The following PLEKHD1 variants were observed in gnomAD, a reference collection of about 807,000 sequenced individuals.
PLEKHD1 encodes pleckstrin homology domain-containing family D member 1.
Under a neutral mutation model 69.2 loss-of-function variants are expected in PLEKHD1, and 51 were observed. The observed-to-expected ratio is 0.74, with a 90% CI of 0.59 to 0.93. PLEKHD1 has a LOEUF of 0.93. PLEKHD1 is among the 40% of genes least tolerant of loss of function. The pLI, the probability that PLEKHD1 is intolerant of heterozygous loss-of-function variation, is 0.00. For missense variants in PLEKHD1, 584 were observed against 641.0 expected, an observed-to-expected ratio of 0.91 and a Z score of 0.96; for synonymous variants, 236 against 244.7, an observed-to-expected ratio of 0.96 and a Z score of 0.33.
chr14:69,481,306 G>T (rs1882537505), upstream of PLEKHD1, among the ~76,000 whole-genome samples: 1 of 152,184 alleles, frequency 6.6e-6, no homozygotes, highest in African/African-American at 2.4e-5. Flanking sequence ...CTGGGTCAGA[G>T]TGATACCCTG....
chr14:69,506,891 CTTTTTTTTTTTTT>C (rs1162412450), intron 6 of PLEKHD1, among the ~76,000 whole-genome samples: 5 of 78,062 alleles, frequency 6.4e-5, no homozygotes, highest in African/African-American at 2.3e-4. Context: ...CTGGCAACTG[CTTTTTTTTTTTTT>C]TTTTTTTTTT....
chr14:69,528,522 C>T lies in PLEKHD1; in HGVS notation c.*103C>T. On this transcript the variant is annotated 3_prime_UTR_variant, in exon 13 of 13. Transcript: ENST00000322564. ...TCTACCAGCTCCTGGCCTCTCTGGT[C>T]TGGAGCCTATGTCTCCTCTGGGCCG... 1 of 1,402,024 alleles carries T rather than the reference C, an allele frequency of 7.1e-7. No homozygotes were observed. The highest frequency in any genetic ancestry group is 9.5e-7 in the Non-Finnish European group (1 of 1,055,280). The allele number at this position is 1,402,024 out of a possible 1,614,324, so 86.8% of individuals were successfully genotyped here. A position where few individuals can be genotyped will look rare whatever the true frequency, so the allele number is the denominator to read the frequency against.
At chr14:69,520,722 G>A (rs1287040158) in intron 6 of PLEKHD1, among the ~76,000 whole-genome samples, 1 of 152,030 alleles carries the variant, frequency 6.6e-6, no homozygotes, top group East Asian at 1.9e-4. Flanking sequence ...GTAAGACTCA[G>A]TCTCAAAAGA....
In PLEKHD1 at chr14:69,524,085, G is replaced by A. The variant is rs1182466478; in HGVS notation, c.651-144G>A. 6.5e-6 allele frequency: 4 copies of A among 618,450 alleles called. No homozygotes were observed. In the Admixed American group the frequency reaches 1.1e-4, roughly 17 times the overall value. The allele number at this position is 618,450 out of a possible 1,614,324, so 38.3% of individuals were successfully genotyped here. A position where few individuals can be genotyped will look rare whatever the true frequency, so the allele number is the denominator to read the frequency against. ...CCAGGCCCCTACTGCTGCTGTCAGGGCCCAGCTGTGCAGAGGGGCTGGCCA... is the reference window on the plus strand; with the variant it reads ...CCAGGCCCCTACTGCTGCTGTCAGGACCCAGCTGTGCAGAGGGGCTGGCCA... On this transcript the variant is annotated intron_variant, in intron 7 of 12. Transcript: ENST00000322564.
chr14:69,502,896 G>A lies in PLEKHD1; in HGVS notation c.555+17G>A. On this transcript the variant is annotated intron_variant, in intron 6 of 12. Transcript: ENST00000322564. The stretch of plus-strand genomic sequence containing the variant: ...CAGAGAGAGGTAGGTGCACACCAAG[G>A]GGCTCTCAGCAGCCGTGGTGTAATG... 1.3e-6 allele frequency: 2 copies of A among 1,551,580 alleles called. No homozygotes were observed. Among genetic ancestry groups the A allele is most frequent in the Non-Finnish European group, 8.7e-7 (1 of 1,146,918 alleles).
chr14:69,478,279 C>T, the PLEKHD1 span, among the ~76,000 whole-genome samples: 350 of 152,296 alleles, frequency 2.3e-3, 1 homozygote, highest in African/African-American at 7.9e-3. Context: ...ACCCTGGGAC[C>T]GGCCCATGAA....
chr14:69,505,193 C>T (rs1453991294), intron 6 of PLEKHD1, among the ~76,000 whole-genome samples: 1 of 152,176 alleles, frequency 6.6e-6, no homozygotes, highest in Non-Finnish European at 1.5e-5. Flanking sequence ...CCAGCTGGTA[C>T]CCACCATGAA....
In PLEKHD1 at chr14:69,524,124, C is replaced by T. The variant is rs1262659007; in HGVS notation, c.651-105C>T. ...AGGGGCTGGCCATTCAAGAGCCCTC[C>T]TGAGCCCCATCAGGAAGTGAAGCAA... On this transcript the variant is annotated intron_variant, in intron 7 of 12. Coordinates refer to ENST00000322564, the MANE Select transcript of PLEKHD1 (RefSeq NM_001161498.2). 4 of 923,590 alleles carry T rather than the reference C, an allele frequency of 4.3e-6. No individual in the cohort carries two copies. In the Admixed American group the frequency reaches 8.5e-5, roughly 20 times the overall value. The allele number at this position is 923,590 out of a possible 1,614,324, so 57.2% of individuals were successfully genotyped here.
At chr14:69,520,984 G>A (rs550240036) in intron 6 of PLEKHD1, among the ~76,000 whole-genome samples, 4 of 152,236 alleles carry the variant, frequency 2.6e-5, no homozygotes, top group Admixed American at 1.3e-4. Context: ...ATGCCAGTGA[G>A]AGCTGGGCTT....
At chr14:69,500,353 C>A (rs1230549668) in intron 2 of PLEKHD1, 145 bp downstream of exon 2, 1 of 766,804 alleles carries the variant, frequency 1.3e-6, no homozygotes, top group Non-Finnish European at 2.1e-6. Flanking sequence ...AAAAGACCCC[C>A]TGCCCCTGTC....
chr14:69,519,583 G>A (rs1489609358), intron 6 of PLEKHD1, among the ~76,000 whole-genome samples: 3 of 152,158 alleles, frequency 2.0e-5, no homozygotes, highest in South Asian at 2.1e-4. Context: ...TTGTCTTGCC[G>A]TATTATTTTC....
intron 7 of PLEKHD1, among the ~76,000 whole-genome samples, chr14:69,522,620 T>C (rs146637203): frequency 1.3e-3 from 195 of 152,180 alleles, no homozygotes; most frequent in Non-Finnish European, 2.3e-3. Flanking sequence ...CATAAGGCAA[T>C]GGAGCATCCC....
intron 6 of PLEKHD1, among the ~76,000 whole-genome samples, chr14:69,520,405 T>A (rs61982438): frequency 1.3e-5 from 2 of 152,014 alleles, no homozygotes; most frequent in African/African-American, 4.8e-5. Flanking sequence ...ATGAATAATA[T>A]AGGGAGTTTC....
At chr14:69,492,589 A>G (rs1882800426) in intron 1 of PLEKHD1, among the ~76,000 whole-genome samples, 1 of 152,150 alleles carries the variant, frequency 6.6e-6, no homozygotes, top group Admixed American at 6.6e-5. Flanking sequence ...ATGCTTTACA[A>G]CTATCCTAGC....
In PLEKHD1 at chr14:69,527,971, C is replaced by CAAGGCAGGAAGAGGGCAACATGGG. The variant is rs1378830082; in HGVS notation, c.1351+40_1351+63dup. The CAAGGCAGGAAGAGGGCAACATGGG allele has an allele frequency of 3.2e-6, 5 of 1,550,168 alleles. No homozygotes were observed. In the African/African-American group the frequency reaches 4.1e-5, roughly 13 times the overall value. On this transcript the variant is annotated intron_variant, in intron 12 of 12. Transcript: ENST00000322564. ...TCTGCGTGCCCTGGTGGGATGGTGA[C>CAAGGCAGGAAGAGGGCAACATGGG]AAGGCAGGAAGAGGGCAACATGGGG...
chr14:69,503,057 TAAG>T, intron 6 of PLEKHD1, 178 bp downstream of exon 6: 1 of 678,482 alleles, frequency 1.5e-6, no homozygotes, highest in Non-Finnish European at 2.5e-6. Flanking sequence ...AACTTGTTGG[TAAG>T]AAGTGTCTTT....
rs190875518 is a variant in PLEKHD1, at chr14:69,529,876, G to A, written c.*1457G>A. The A allele has an allele frequency of 6.6e-6, 1 of 152,310 alleles. No individual in the cohort carries two copies. Among genetic ancestry groups the A allele is most frequent in the East Asian group, 1.9e-4 (1 of 5,178 alleles). 9.4% of individuals were successfully genotyped at this position (152,310 alleles called of 1,614,324 possible). A position where few individuals can be genotyped will look rare whatever the true frequency, so the allele number is the denominator to read the frequency against. On this transcript the variant is annotated 3_prime_UTR_variant, in exon 13 of 13. Coordinates refer to ENST00000322564, the MANE Select transcript of PLEKHD1 (RefSeq NM_001161498.2). Reference sequence around the variant, plus strand: ...TGTGGAAGACCACCACCCTCCAGGGGGCTGAAGGGTGTGTCTGTCTCTCAC... The same window carrying A: ...TGTGGAAGACCACCACCCTCCAGGGAGCTGAAGGGTGTGTCTGTCTCTCAC...
intron 6 of PLEKHD1, among the ~76,000 whole-genome samples, chr14:69,511,407 C>G (rs932824081): frequency 1.3e-5 from 2 of 152,166 alleles, no homozygotes. Context: ...ATCCACCTGC[C>G]TCCGCCTCCC....
intron 6 of PLEKHD1, among the ~76,000 whole-genome samples, chr14:69,508,628 C>A (rs1162279982): frequency 1.3e-5 from 2 of 152,006 alleles, no homozygotes; most frequent in Non-Finnish European, 2.9e-5. Context: ...GTGGACTGAA[C>A]AAATGGGGGC....
Sources: allele counts gnomAD v4.1 joint callset (sites outside exome capture counted in the v4.1 genomes callset), GRCh38; gene constraint gnomAD v4.1.1; transcripts MANE v1.5; gene names NCBI Gene and HGNC (gene_info 2026-07-23, HGNC 2026-07-21).